NRXN3: variants seen among roughly 807,000 people sequenced by gnomAD.
The protein encoded by NRXN3 is neurexin III.
A neutral mutation model predicts 137.6 loss-of-function variants in NRXN3; 32 were observed. That is an observed-to-expected ratio of 0.23 (90% CI 0.18 to 0.31). NRXN3 has a LOEUF of 0.31. Among genes scored for constraint, NRXN3 ranks in the 10% least tolerant of loss-of-function variants. NRXN3 has a pLI of 1.00. For synonymous variants in NRXN3, 798 were observed against 784.5 expected, an observed-to-expected ratio of 1.02 and a Z score of -0.29; for missense variants, 1,574 against 2,062.5, an observed-to-expected ratio of 0.76 and a Z score of 4.59.
intron 8 of NRXN3, among the ~76,000 whole-genome samples, chr14:78,758,102 G>C (rs2098677147): frequency 6.6e-6 from 1 of 152,118 alleles, no homozygotes; most frequent in Admixed American, 6.6e-5. Flanking sequence ...TGTGGATAAG[G>C]GCTGTGCAAA....
chr14:78,874,685 C>G (rs1369830354), intron 10 of NRXN3, among the ~76,000 whole-genome samples: 3 of 152,174 alleles, frequency 2.0e-5, no homozygotes, highest in Admixed American at 2.0e-4. Context: ...CCCATTCACT[C>G]TGTGCCACTG....
At chr14:78,397,420 T>C (rs1459791981) in intron 4 of NRXN3, among the ~76,000 whole-genome samples, 50 of 152,144 alleles carry the variant, frequency 3.3e-4, no homozygotes, top group Admixed American at 3.3e-3. Context: ...TCTCCCCCTC[T>C]GTGTCCTCCA....
intron 15 of NRXN3, among the ~76,000 whole-genome samples, chr14:79,344,527 A>T (rs1009601172): frequency 6.6e-6 from 1 of 152,244 alleles, no homozygotes; most frequent in Non-Finnish European, 1.5e-5. Flanking sequence ...CTAACATAAT[A>T]GATTAAAATA....
rs972443094 is a variant in NRXN3 at position 79,095,065 on chromosome 14, A to G, written c.3262+106924A>G. On this transcript the variant is annotated intron_variant, in intron 15 of 20. Coordinates refer to ENST00000335750, the MANE Select transcript of NRXN3 (RefSeq NM_001330195.2). The stretch of plus-strand genomic sequence containing the variant: ...TGGACAGGTCATTTTGTTGAATGTA[A>G]CTGAACTCCTAAGCATTCAGAGATT... Among the ~76,000 whole-genome samples the G allele has an allele frequency of 3.3e-5, 5 of 150,336 alleles. No homozygotes were observed. The East Asian group carries it at 1.0e-3, about 30-fold the overall frequency.
intron 10 of NRXN3, 32 bp downstream of exon 10, chr14:78,810,376 T>TAAA: frequency 7.0e-6 from 8 of 1,141,074 alleles, no homozygotes; most frequent in Non-Finnish European, 9.7e-6. Flanking sequence ...ATTTTGTTCT[T>TAAA]TAAAAAAAAA....
chr14:78,176,799 G>A (rs1036456795), intron 1 of NRXN3, among the ~76,000 whole-genome samples: 1 of 151,966 alleles, frequency 6.6e-6, no homozygotes, highest in African/African-American at 2.4e-5. Context: ...GCTGCTGTGG[G>A]GGCTGCCTGG....
At chr14:78,295,452 G>A (rs568184421) in intron 3 of NRXN3, among the ~76,000 whole-genome samples, 54 of 152,292 alleles carry the variant, frequency 3.5e-4, no homozygotes, top group African/African-American at 1.2e-3. Context: ...AAAAACACAG[G>A]TGGTGAGTTA....
intron 17 of NRXN3, among the ~76,000 whole-genome samples, chr14:79,681,428 G>A (rs1342170549): frequency 5.6e-4 from 86 of 152,248 alleles, no homozygotes; most frequent in Non-Finnish European, 1.6e-4. Flanking sequence ...CTTGGATGGA[G>A]CTAGATGATC....
rs74068693 is a variant in NRXN3 at position 79,478,225 on chromosome 14, A to G, written c.3444+10823A>G. On this transcript the variant is annotated intron_variant, in intron 16 of 20. Coordinates refer to ENST00000335750, the MANE Select transcript of NRXN3 (RefSeq NM_001330195.2). The stretch of plus-strand genomic sequence containing the variant: ...CAAATATATATAATGTATATTAAAT[A>G]TATACATATACAAGATAAAGGAGGA... 0.016 allele frequency among the ~76,000 whole-genome samples: 2,400 copies of G among 148,962 alleles called. 105 individuals are homozygous for G. The East Asian group carries it at 0.17, about 11-fold the overall frequency.
intron 3 of NRXN3, among the ~76,000 whole-genome samples, chr14:78,283,793 G>A (rs1008281862): frequency 1.3e-5 from 2 of 152,196 alleles, no homozygotes; most frequent in African/African-American, 2.4e-5. Flanking sequence ...ACAGGTGTGA[G>A]CCACCTCACC....
At chr14:78,795,857 A>C (rs1042447314) in intron 8 of NRXN3, among the ~76,000 whole-genome samples, 5 of 152,240 alleles carry the variant, frequency 3.3e-5, no homozygotes, top group African/African-American at 1.2e-4. Context: ...AGCAAATGGA[A>C]AAACATTTAT....
At chr14:78,822,552 G>C (rs1446470204) in intron 10 of NRXN3, among the ~76,000 whole-genome samples, 4 of 151,934 alleles carry the variant, frequency 2.6e-5, no homozygotes, top group Non-Finnish European at 5.9e-5. Context: ...TTGGACACCT[G>C]CAATCCCAGC....
At chr14:78,324,478 C>G (rs2079802347) in intron 4 of NRXN3, among the ~76,000 whole-genome samples, 2 of 152,102 alleles carry the variant, frequency 1.3e-5, no homozygotes, top group South Asian at 4.1e-4. Flanking sequence ...GGAAGAAGTC[C>G]TGTTAATTGC....
rs183551263 is a variant in NRXN3, at chr14:78,648,448, T to C, written c.1060-2717T>C. On this transcript the variant is annotated intron_variant, in intron 5 of 20. Coordinates refer to ENST00000335750, the MANE Select transcript of NRXN3 (RefSeq NM_001330195.2). ...CTTGAAAAGCATTGTTCAAGAGGAATTGGGGGAGAGAGATTCCAAAGCATT... is the reference window on the plus strand; with the variant it reads ...CTTGAAAAGCATTGTTCAAGAGGAACTGGGGGAGAGAGATTCCAAAGCATT... Among the ~76,000 whole-genome samples the C allele has an allele frequency of 3.8e-3, 586 of 152,286 alleles. 4 individuals are homozygous for C. Among genetic ancestry groups the C allele is most frequent in the Non-Finnish European group, 4.9e-3 (331 of 68,014 alleles).
intron 16 of NRXN3, among the ~76,000 whole-genome samples, chr14:79,620,469 T>C (rs570982920): frequency 9.2e-5 from 14 of 152,160 alleles, no homozygotes; most frequent in African/African-American, 3.4e-4. Flanking sequence ...GGAAAACTTA[T>C]TAGGATGCTA....
intron 15 of NRXN3, among the ~76,000 whole-genome samples, chr14:79,140,512 A>G (rs1434945005): frequency 6.6e-6 from 1 of 151,784 alleles, no homozygotes; most frequent in Non-Finnish European, 1.5e-5. Flanking sequence ...GTATAAGTGG[A>G]TAATGATTTT....
At chr14:78,717,566 T>C (rs1487426841) in intron 8 of NRXN3, among the ~76,000 whole-genome samples, 1 of 150,912 alleles carries the variant, frequency 6.6e-6, no homozygotes, top group Admixed American at 6.6e-5. Flanking sequence ...ATTATAGGAC[T>C]CTTCTCTGCT....
chr14:79,047,254 G>A (rs144298515), intron 15 of NRXN3, among the ~76,000 whole-genome samples: 1 of 151,918 alleles, frequency 6.6e-6, no homozygotes, highest in East Asian at 1.9e-4. Context: ...CCTTGGCAGA[G>A]TTAAAAGTTT....
chr14:79,154,563 A>G (rs1014046682), intron 15 of NRXN3, among the ~76,000 whole-genome samples: 1 of 151,808 alleles, frequency 6.6e-6, no homozygotes. Flanking sequence ...TTATTCACAC[A>G]TTTATATACC....
Sources: gnomAD v4.1 joint callset for allele counts (sites outside exome capture counted in the v4.1 genomes callset) on GRCh38, gnomAD v4.1.1 for gene constraint, MANE v1.5 for transcripts, NCBI Gene and HGNC (gene_info 2026-07-23, HGNC 2026-07-21) for gene names.